ARPC1A: variants seen among roughly 807,000 people sequenced by gnomAD.
ARPC1A encodes actin-related protein 2/3 complex subunit 1A.
Under a neutral mutation model 46.9 loss-of-function variants are expected in ARPC1A, and 8 were observed. That is an observed-to-expected ratio of 0.17 (90% CI 0.10 to 0.31). The LOEUF is 0.31. Ranked by LOEUF, ARPC1A falls within the 10% of genes least tolerant of loss-of-function variation. The probability of loss-of-function intolerance (pLI) is 1.00; values close to 1 mark genes in which losing one functional copy is unlikely to be tolerated. For missense variants in ARPC1A, 286 were observed against 483.6 expected, an observed-to-expected ratio of 0.59 and a Z score of 3.83; for synonymous variants, 152 against 169.0, an observed-to-expected ratio of 0.90 and a Z score of 0.78.
At chr7:99,338,148 A>T in intron 2 of ARPC1A, 33 bp from the exon 3 acceptor site, 1 of 1,492,460 alleles carries the variant, frequency 6.7e-7, no homozygotes, top group Non-Finnish European at 9.3e-7. Context: ...TTGCAAGTTC[A>T]GGTGTTAACT....
At chr7:99,355,000 G>A (rs1793606013) in intron 6 of ARPC1A, among the ~76,000 whole-genome samples, 1 of 151,894 alleles carries the variant, frequency 6.6e-6, no homozygotes, top group Admixed American at 6.6e-5. Context: ...TGTAATCCCA[G>A]CTACTCAGGA....
At chr7:99,365,464 A>C (rs1793819857) in intron 9 of ARPC1A, among the ~76,000 whole-genome samples, 1 of 152,032 alleles carries the variant, frequency 6.6e-6, no homozygotes, top group African/African-American at 2.4e-5. Flanking sequence ...ATATATTTTT[A>C]AAAACCAGGT....
chr7:99,335,878 T>C (rs1459833462), intron 2 of ARPC1A, among the ~76,000 whole-genome samples: 1 of 150,964 alleles, frequency 6.6e-6, no homozygotes, highest in Admixed American at 6.6e-5. Context: ...GGCGTGAACC[T>C]GGGAGGCGGA....
chr7:99,358,076 G>C (rs1301069527), intron 6 of ARPC1A, among the ~76,000 whole-genome samples: 1 of 152,194 alleles, frequency 6.6e-6, no homozygotes, highest in Non-Finnish European at 1.5e-5. Flanking sequence ...GCTGTGCTGG[G>C]GGTGGAAGGG....
intron 1 of ARPC1A, among the ~76,000 whole-genome samples, chr7:99,329,778 C>T (rs543662864): frequency 6.6e-6 from 1 of 152,170 alleles, no homozygotes; most frequent in Non-Finnish European, 1.5e-5. Context: ...CATGAGAAAG[C>T]CTTTTGTCTG....
At chr7:99,359,806 T>C in intron 8 of ARPC1A, 68 bp downstream of exon 8, 13 of 1,556,334 alleles carry the variant, frequency 8.4e-6, no homozygotes, top group Non-Finnish European at 1.1e-5. Context: ...GTTTCCTTAC[T>C]GGGTTCCTAC....
intron 4 of ARPC1A, among the ~76,000 whole-genome samples, chr7:99,345,655 C>G (rs1424752849): frequency 1.3e-5 from 2 of 149,348 alleles, no homozygotes; most frequent in Non-Finnish European, 3.0e-5. Flanking sequence ...GAGATTCTAT[C>G]TCAAAAAAAA....
chr7:99,339,594 T>C (rs1329188349), intron 3 of ARPC1A, among the ~76,000 whole-genome samples: 1 of 152,194 alleles, frequency 6.6e-6, no homozygotes, highest in Non-Finnish European at 1.5e-5. Context: ...GCTACATAAA[T>C]GGCATGATAC....
chr7:99,353,823 G>A (rs1162307578), intron 5 of ARPC1A, 86 bp from the exon 6 acceptor site: 1 of 1,321,610 alleles, frequency 7.6e-7, no homozygotes, highest in Non-Finnish European at 1.1e-6. Flanking sequence ...TGCATTCTGA[G>A]ATTCCTTGTG....
At chr7:99,327,866 T>A (rs1793074364) in intron 1 of ARPC1A, among the ~76,000 whole-genome samples, 1 of 152,090 alleles carries the variant, frequency 6.6e-6, no homozygotes, top group African/African-American at 2.4e-5. Flanking sequence ...GGTGACCTTG[T>A]TGGAGTACTT....
intron 3 of ARPC1A, 83 bp from the exon 4 acceptor site, chr7:99,344,210 G>T (rs1403084100): frequency 1.5e-6 from 2 of 1,298,236 alleles, no homozygotes; most frequent in African/African-American, 2.9e-5. Flanking sequence ...TCTCATCCTG[G>T]CATGCCAGTG....
At chr7:99,362,699 G>A (rs1793766911) in intron 8 of ARPC1A, among the ~76,000 whole-genome samples, 1 of 151,770 alleles carries the variant, frequency 6.6e-6, no homozygotes, top group Non-Finnish European at 1.5e-5. Flanking sequence ...GGCAGTGTGT[G>A]CCATAGTTTG....
intron 8 of ARPC1A, among the ~76,000 whole-genome samples, chr7:99,362,312 A>T (rs549269861): frequency 0.011 from 1,718 of 149,928 alleles, 46 homozygotes; most frequent in African/African-American, 0.04. Flanking sequence ...AATAAATAAA[A>T]TAAAAATGTA....
intron 4 of ARPC1A, among the ~76,000 whole-genome samples, chr7:99,345,128 T>C (rs1793425893): frequency 1.3e-5 from 2 of 151,624 alleles, no homozygotes; most frequent in South Asian, 4.2e-4. Flanking sequence ...AGAGACAAGG[T>C]TTCACCATCT....
intron 5 of ARPC1A, among the ~76,000 whole-genome samples, chr7:99,351,769 T>A (rs1028415467): frequency 6.6e-6 from 1 of 152,040 alleles, no homozygotes; most frequent in Admixed American, 6.6e-5. Context: ...TAGGGAGCCT[T>A]TAGGTTCAGC....
At chr7:99,348,822 A>C (rs1182918917) in intron 4 of ARPC1A, 30 bp from the exon 5 acceptor site, 1 of 1,588,116 alleles carries the variant, frequency 6.3e-7, no homozygotes, top group Non-Finnish European at 8.6e-7. Context: ...GGTTGAGTGG[A>C]TAAACTGAAA....
chr7:99,361,724 T>G (rs1426446685), intron 8 of ARPC1A, among the ~76,000 whole-genome samples: 1 of 152,186 alleles, frequency 6.6e-6, no homozygotes, highest in Non-Finnish European at 1.5e-5. Context: ...TTAGTCTACT[T>G]TTATTTGCAG....
In ARPC1A at chr7:99,348,769, G is replaced by A. The variant is rs981252768; in HGVS notation, c.393-83G>A. ...TTAAGGAAAAGTGTGGCCTACTTAG[G>A]TATTTTCACCTGACATACATTTGTA... On this transcript the variant is annotated intron_variant, in intron 4 of 9. Transcript: ENST00000262942. 4.2e-6 allele frequency: 4 copies of A among 949,066 alleles called. No individual in the cohort carries two copies. The African/African-American group carries it at 6.6e-5, about 16-fold the overall frequency. 58.8% of individuals were successfully genotyped at this position (949,066 alleles called of 1,614,324 possible).
At chr7:99,347,957 G>A (rs971306107) in intron 4 of ARPC1A, among the ~76,000 whole-genome samples, 1 of 152,278 alleles carries the variant, frequency 6.6e-6, no homozygotes, top group Non-Finnish European at 1.5e-5. Context: ...TTAAACAGCA[G>A]TTTGGGGGCA....
Sources: allele counts gnomAD v4.1 joint callset (sites outside exome capture counted in the v4.1 genomes callset), GRCh38; gene constraint gnomAD v4.1.1; transcripts MANE v1.5; gene names NCBI Gene and HGNC (gene_info 2026-07-23, HGNC 2026-07-21).